The following TTN variants were observed in gnomAD, a reference collection of about 807,000 sequenced individuals.
TTN encodes the protein connectin.
TTN carries 1,525 observed loss-of-function variants against 3,223.0 expected under a neutral mutation model. The ratio of observed to expected loss-of-function variants is 0.47; its 90% CI spans 0.45 to 0.49. The LOEUF is 0.49. TTN is among the 20% of genes least tolerant of loss of function. The pLI is 0.00. For synonymous variants in TTN, 14,094 were observed against 15,161.0 expected, an observed-to-expected ratio of 0.93 and a Z score of 5.17; for missense variants, 40,786 against 43,424.0, an observed-to-expected ratio of 0.94 and a Z score of 5.40.
chr2:178,639,371 AT>A (rs2060926911), intron 223 of TTN, among the ~76,000 whole-genome samples: 1 of 152,030 alleles, frequency 6.6e-6, no homozygotes, highest in African/African-American at 2.4e-5. Flanking sequence ...TGGGATTCTT[AT>A]ATGTATACCC....
chr2:178,558,167 T>G lies in TTN; in HGVS notation c.87187A>C (p.Lys29063Gln). The G allele has an allele frequency of 5.6e-6, 9 of 1,613,836 alleles. No homozygotes were observed. Among genetic ancestry groups the G allele is most frequent in the Non-Finnish European group, 7.6e-6 (9 of 1,179,844 alleles). Reference protein sequence around the residue: ...TVYVRAGSNLKVDIPISGKPL... With the variant: ...TVYVRAGSNLQVDIPISGKPL... ...TTTCCAGAGATTGGAATGTCAACTT[T>G]AAGGTTTGAACCAGCTCTAACATAT... Residue 29063 changes from lysine to glutamine, a missense_variant, in exon 328 of 363, where the codon AAA (lysine) becomes CAA (glutamine). By Grantham distance (53) the Lys-to-Gln change is moderately conservative. Coordinates refer to ENST00000589042, the MANE Select transcript of TTN (RefSeq NM_001267550.2).
chr2:178,536,927 G>A lies in TTN; in HGVS notation c.100171+11C>T. 2.5e-6 allele frequency: 4 copies of A among 1,580,704 alleles called. No individual in the cohort carries two copies. The highest frequency in any genetic ancestry group is 3.4e-6 in the Non-Finnish European group (4 of 1,159,442). On this transcript the variant is annotated intron_variant, in intron 356 of 362. Transcript: ENST00000589042. The stretch of plus-strand genomic sequence containing the variant: ...TACCATAGGAAGATACAGAAATCAA[G>A]TTGTACTCACCAAATGGACTCTTAA...
rs1351647298 is a variant in TTN, at chr2:178,548,161, C to T, written c.93465G>A (p.Lys31155=). 2 of 1,613,792 alleles carry T rather than the reference C, an allele frequency of 1.2e-6. No homozygotes were observed. The highest frequency in any genetic ancestry group is 2.7e-5 in the African/African-American group (2 of 75,000). ...ITGYLLEMRQ[K]GSDFWVEAGH... is the part of the protein sequence containing the mutation. ...CAGCTTCAACCCAGAAGTCAGATCC[C>T]TTTTGTCTCATTTCAAGCAGGTAGC... Residue 31155 remains lysine, a synonymous_variant, in exon 339 of 363, where the codon AAG becomes AAA. Transcript: ENST00000589042. This position sits in a 1 kb window ranked among gnomAD's most constrained non-coding sequence, Gnocchi z 4.3.
In TTN at chr2:178,588,179, T is replaced by A. The variant is rs2049452685; in HGVS notation, c.63228A>T (p.Thr21076=). 6.3e-6 allele frequency: 10 copies of A among 1,595,736 alleles called. No individual in the cohort carries two copies. Among genetic ancestry groups the A allele is most frequent in the Non-Finnish European group, 8.6e-6 (10 of 1,167,042 alleles). The change falls in exon 305 of 363, where the codon ACA becomes ACT. Residue 21076 remains threonine, a synonymous_variant. Transcript: ENST00000589042. ...GPPTNFRVVD[T]TKHSITLGWG... ...ACCCAAGAGTTATGGAATGTTTGGTTGTATCAACCACTCTGAAATTGGTTG... is the reference window on the plus strand; with the variant it reads ...ACCCAAGAGTTATGGAATGTTTGGTAGTATCAACCACTCTGAAATTGGTTG...
rs1294991200 is a variant in TTN at position 178,528,431 on chromosome 2, A to T, written c.107224-4T>A. On this transcript the variant is annotated splice_polypyrimidine_tract_variant and splice_region_variant and intron_variant, in intron 360 of 362. Transcript: ENST00000589042. ...TGACATTTGAAGAAATAGAAATCTA[A>T]GACAAAGGAAAAAGAAAAGAAATGT... is the stretch of plus-strand genomic sequence containing the variant. The T allele has an allele frequency of 6.2e-7, 1 of 1,609,568 alleles. No homozygotes were observed. The highest frequency in any genetic ancestry group is 2.2e-5 in the East Asian group (1 of 44,864).
In TTN at chr2:178,533,816, T is replaced by C. The variant is rs1690256257; in HGVS notation, c.102799A>G (p.Lys34267Glu). The change falls in exon 358 of 363, where the codon AAG (lysine) becomes GAG (glutamate). Residue 34267 changes from lysine (K) to glutamate (E), a missense_variant. Transcript: ENST00000589042. Reference sequence around the variant, plus strand: ...ACATTTTCACCTACATAAGCTGTCTTATTATAGAGAGGCAGGGTAAATTCT... The same window carrying C: ...ACATTTTCACCTACATAAGCTGTCTCATTATAGAGAGGCAGGGTAAATTCT... ...PPEFTLPLYN[K>E]TAYVGENVRF... 6.2e-7 allele frequency: 1 copy of C among 1,613,960 alleles called. No homozygotes were observed. The highest frequency in any genetic ancestry group is 8.5e-7 in the Non-Finnish European group (1 of 1,179,838).
intron 250 of TTN, 57 bp downstream of exon 250, chr2:178,619,564 A>T: frequency 6.3e-7 from 1 of 1,583,396 alleles, no homozygotes; most frequent in South Asian, 1.2e-5. Flanking sequence ...ATAACTGTGA[A>T]ATCTGAAATC....
In TTN at chr2:178,712,421, T is replaced by C; in HGVS notation, c.27501A>G (p.Ala9167=). 6.2e-7 allele frequency: 1 copy of C among 1,613,866 alleles called. No individual in the cohort carries two copies. The highest frequency in any genetic ancestry group is 1.1e-5 in the South Asian group (1 of 91,080). The change falls in exon 95 of 363, where the codon GCA becomes GCG. Residue 9167 remains alanine (A), a synonymous_variant. Transcript: ENST00000589042. ...RCNITTTEKS[A]ILEIPSSTVE... is the part of the protein sequence containing the mutation. Reference sequence around the variant, plus strand: ...CTGTGCTACTTGGAATTTCCAGGATTGCCGATTTTTCAGTCGTAGTTATAT... The same window carrying C: ...CTGTGCTACTTGGAATTTCCAGGATCGCCGATTTTTCAGTCGTAGTTATAT...
rs557248616 is a variant in TTN at position 178,552,947 on chromosome 2, G to A, written c.89953C>T (p.His29985Tyr). 6.2e-7 allele frequency: 1 copy of A among 1,613,478 alleles called. No individual in the cohort carries two copies. The highest frequency in any genetic ancestry group is 8.5e-7 in the Non-Finnish European group (1 of 1,179,776). The change falls in exon 335 of 363, where the codon CAC becomes TAC. Residue 29985 changes from histidine (H) to tyrosine (Y), a missense_variant. Coordinates refer to ENST00000589042, the MANE Select transcript of TTN (RefSeq NM_001267550.2). ...TTGAAGGATGTGCTAGAACATTTGT[G>A]TGACACGACAGACCATGTTCTCTTG... ...ATKRTWSVVSHKCSSTSFKLI... is the reference protein window; with the variant it reads ...ATKRTWSVVSYKCSSTSFKLI...
intron 43 of TTN, among the ~76,000 whole-genome samples, chr2:178,760,443 T>A (rs983858685): frequency 6.6e-6 from 1 of 152,096 alleles, no homozygotes; most frequent in African/African-American, 2.4e-5. Flanking sequence ...GGCAGGAGAA[T>A]AGCTTGAACC....
chr2:178,541,094 A>T (rs981568695), intron 350 of TTN, 188 bp downstream of exon 350: 2 of 470,700 alleles, frequency 4.2e-6, no homozygotes, highest in African/African-American at 4.0e-5. Context: ...GGGGTGGGGA[A>T]GGGACTGATT....
In TTN at chr2:178,678,222, A is replaced by T; in HGVS notation, c.33911-14T>A. On this transcript the variant is annotated splice_polypyrimidine_tract_variant and intron_variant, in intron 144 of 362. Transcript: ENST00000589042. ...GCACCTCTGGCACTTTAAAGATATT[A>T]TTTATATTTAGGAATATGTTCTTTT... The T allele has an allele frequency of 6.3e-7, 1 of 1,591,888 alleles. No homozygotes were observed. Among genetic ancestry groups the T allele is most frequent in the South Asian group, 1.2e-5 (1 of 86,288 alleles).
At position 178,591,271 on chromosome 2, in the gene TTN, T is replaced by C; in HGVS notation, c.60454A>G (p.Thr20152Ala). The C allele has an allele frequency of 6.2e-7, 1 of 1,613,258 alleles. No individual in the cohort carries two copies. The highest frequency in any genetic ancestry group is 8.5e-7 in the Non-Finnish European group (1 of 1,179,500). ...TTGCTACCGGCTGCATTGGAAACTG[T>C]GATTTGATATTCCCCAGTGTCTCTC... ...LRRDTGEYQI[T>A]VSNAAGSKTV... Residue 20152 changes from threonine to alanine, a missense_variant, in exon 304 of 363, where the codon ACA (threonine) becomes GCA (alanine). Coordinates refer to ENST00000589042, the MANE Select transcript of TTN (RefSeq NM_001267550.2).
At position 178,589,168 on chromosome 2, in the gene TTN, A is replaced by G; in HGVS notation, c.62557T>C (p.Phe20853Leu). Residue 20853 changes from phenylalanine (F) to leucine (L), a missense_variant, in exon 304 of 363, where the codon TTT becomes CTT. Coordinates refer to ENST00000589042, the MANE Select transcript of TTN (RefSeq NM_001267550.2). ...ACATTGACAGTGGCATAGGCCACAAAACTGCCAGCCGTGTTAGTTGCCGTA... is the reference window on the plus strand; with the variant it reads ...ACATTGACAGTGGCATAGGCCACAAGACTGCCAGCCGTGTTAGTTGCCGTA... ...VVTATNTAGS[F>L]VAYATVNVLD... is the part of the protein sequence containing the mutation. 6.2e-7 allele frequency: 1 copy of G among 1,613,486 alleles called. No individual in the cohort carries two copies. Among genetic ancestry groups the G allele is most frequent in the Non-Finnish European group, 8.5e-7 (1 of 1,179,646 alleles).
chr2:178,784,012 C>T, intron 16 of TTN, 58 bp downstream of exon 16: 6 of 1,610,006 alleles, frequency 3.7e-6, no homozygotes, highest in Non-Finnish European at 5.1e-6. Context: ...AACTAGCCAA[C>T]CACCTGGCCC....
Position 178,590,907 on chromosome 2 carries a change from G to A in TTN, c.60818C>T (p.Ser20273Phe), listed in dbSNP as rs72646844. ...TVAKHKFSPP[S>F]PPGKPVVTDI... ...AGTAACCACTGGTTTACCAGGAGGA[G>A]ACGGAGGACTAAATTTATGCTTAGC... The change falls in exon 304 of 363, where the codon TCT becomes TTT. Residue 20273 changes from serine to phenylalanine, a missense_variant. Ser to Phe is a radical substitution (Grantham distance 155, BLOSUM62 -2). Transcript: ENST00000589042. 5 of 1,612,490 alleles carry A rather than the reference G, an allele frequency of 3.1e-6. No homozygotes were observed. In the South Asian group the frequency reaches 4.4e-5, roughly 14 times the overall value.
rs188584219 is a variant in TTN at position 178,702,503 on chromosome 2, A to G, written c.30384T>C (p.Asp10128=). 3,516 of 1,613,996 alleles carry G rather than the reference A, an allele frequency of 2.2e-3. 52 individuals carry two copies. The highest frequency in any genetic ancestry group is 0.021 in the South Asian group (1,942 of 91,080). ...GGATGGTCATATAATGGCAGCGGCC[A>G]TCATTCCTGAAGTTGTATTTCTGGC... is the stretch of plus-strand genomic sequence containing the variant. ...TESQKYNFRN[D]GRCHYMTIHN... The change falls in exon 107 of 363, where the codon GAT becomes GAC. Residue 10128 remains aspartate, a synonymous_variant. Transcript: ENST00000589042.
Position 178,707,161 on chromosome 2 carries a change from A to G in TTN, c.29042-207T>C, listed in dbSNP as rs566883287. ...AGCTATCAAAGGTTGAACTATAATC[A>G]TATTAGTAGTGTCAATATTTTTAGA... On this transcript the variant is annotated intron_variant, in intron 100 of 362. Coordinates refer to ENST00000589042, the MANE Select transcript of TTN (RefSeq NM_001267550.2). Among the ~76,000 whole-genome samples, 4 of 152,268 alleles carry G rather than the reference A, an allele frequency of 2.6e-5. No homozygotes were observed. In the East Asian group the frequency reaches 7.7e-4, roughly 29 times the overall value.
chr2:178,593,419 A>C lies in TTN; in HGVS notation c.58789T>G (p.Leu19597Val), dbSNP rs201013593. The C allele has an allele frequency of 1.1e-5, 17 of 1,613,324 alleles. No individual in the cohort carries two copies. The highest frequency in any genetic ancestry group is 1.4e-5 in the Non-Finnish European group (17 of 1,179,574). Residue 19597 changes from leucine (L) to valine (V), a missense_variant, in exon 299 of 363, where the codon TTA becomes GTA. Physicochemically the swap from Leu to Val is conservative, Grantham distance 32. Coordinates refer to ENST00000589042, the MANE Select transcript of TTN (RefSeq NM_001267550.2). ...TCATGTGGCTTATTCCAGGTTACTAATGCAGAGTCTTTGGTAACTTCTGTA... is the reference window on the plus strand; with the variant it reads ...TCATGTGGCTTATTCCAGGTTACTACTGCAGAGTCTTTGGTAACTTCTGTA... ...IVTEVTKDSA[L>V]VTWNKPHDGG...
Sources: gnomAD v4.1 joint callset for allele counts (sites outside exome capture counted in the v4.1 genomes callset) on GRCh38, gnomAD v4.1.1 for gene constraint, Gnocchi (gnomAD v3.1) non-coding constraint, MANE v1.5 for transcripts, NCBI Gene and HGNC (gene_info 2026-07-23, HGNC 2026-07-21) for gene names.